Variants in ATP8B1 observed in about 807,000 individuals in gnomAD.
ATP8B1 encodes phospholipid-transporting ATPase IC.
ATP8B1 carries 80 observed loss-of-function variants against 149.9 expected under a neutral mutation model. That is an observed-to-expected ratio of 0.53 (90% CI 0.45 to 0.64). The LOEUF is 0.64. Ranked by LOEUF, ATP8B1 falls within the 30% of genes least tolerant of loss-of-function variation. The probability of loss-of-function intolerance (pLI) is 0.00; values close to 1 mark genes in which losing one functional copy is unlikely to be tolerated. For missense variants in ATP8B1, 1,247 were observed against 1,552.6 expected (o/e 0.80, Z 3.31); for synonymous variants, 536 against 562.8 (o/e 0.95, Z 0.67).
chr18:57,660,049 T>C (rs936178061), intron 22 of ATP8B1, among the ~76,000 whole-genome samples: 22 of 152,134 alleles, frequency 1.4e-4, no homozygotes, highest in African/African-American at 5.3e-4. Flanking sequence ...GACACCGGAT[T>C]TTGGCAATAG....
At chr18:57,668,287 G>T (rs1911006375) in intron 19 of ATP8B1, 142 bp downstream of exon 19, 1 of 1,329,214 alleles carries the variant, frequency 7.5e-7, no homozygotes, top group Admixed American at 2.0e-5. Flanking sequence ...ACAGAGGAGG[G>T]TTTCTCAGAA....
At chr18:57,759,491 T>C (rs2080125222) in intron 1 of ATP8B1, among the ~76,000 whole-genome samples, 1 of 152,030 alleles carries the variant, frequency 6.6e-6, no homozygotes, top group Non-Finnish European at 1.5e-5. Context: ...GATAATCTGG[T>C]AACTCATGGC....
At chr18:57,658,903 A>C (rs1236611323) in intron 22 of ATP8B1, among the ~76,000 whole-genome samples, 1 of 152,130 alleles carries the variant, frequency 6.6e-6, no homozygotes. Flanking sequence ...AGGCACTAAT[A>C]CTACTTGTAT....
At chr18:57,768,370 G>C (rs1197447651) in intron 1 of ATP8B1, among the ~76,000 whole-genome samples, 2 of 110,308 alleles carry the variant, frequency 1.8e-5, no homozygotes, top group Admixed American at 1.4e-4. Context: ...CTGGGCAACA[G>C]AGTGAGACCC....
rs1263587833 is a variant in ATP8B1 at position 57,654,161 on chromosome 18, A to G, written c.2932-86T>C. On this transcript the variant is annotated intron_variant, in intron 23 of 27. Transcript: ENST00000648908. Reference sequence around the variant, plus strand: ...ACATACTCATCTGCTTCCTTTATTTAACATTTTGTTTGTTTGTTTGTTTTA... The same window carrying G: ...ACATACTCATCTGCTTCCTTTATTTGACATTTTGTTTGTTTGTTTGTTTTA... The G allele has an allele frequency of 4.1e-6, 5 of 1,212,218 alleles. No individual in the cohort carries two copies. In the Admixed American group the frequency reaches 7.3e-5, roughly 18 times the overall value. 75.1% of individuals were successfully genotyped at this position (1,212,218 alleles called of 1,614,324 possible). A position where few individuals can be genotyped will look rare whatever the true frequency, so the allele number is the denominator to read the frequency against.
intron 16 of ATP8B1, among the ~76,000 whole-genome samples, chr18:57,672,886 G>GTATA (rs1198919117): frequency 1.9e-3 from 27 of 14,048 alleles, no homozygotes; most frequent in African/African-American, 3.0e-3. Context: ...AAAAAAAAAA[G>GTATA]TATATATATA....
intron 26 of ATP8B1, 41 bp from the exon 27 acceptor site, chr18:57,650,538 T>C (rs757826670): frequency 6.2e-7 from 1 of 1,603,970 alleles, no homozygotes; most frequent in South Asian, 1.1e-5. Flanking sequence ...GGTTCTTTTT[T>C]CCTAAGAACA....
chr18:57,662,434 G>GAACT lies in ATP8B1; in HGVS notation c.2418+45_2418+48dup, dbSNP rs748322005. The GAACT allele has an allele frequency of 7.6e-4, 1,228 of 1,610,884 alleles. 4 individuals are homozygous for GAACT. The highest frequency in any genetic ancestry group is 9.3e-4 in the Non-Finnish European group (1,099 of 1,177,586). On this transcript the variant is annotated intron_variant, in intron 21 of 27. Coordinates refer to ENST00000648908, the MANE Select transcript of ATP8B1 (RefSeq NM_001374385.1). ...AAAGCATCTAAAAGTGGCTCCAAAT[G>GAACT]AACTTCTTTCTTTTGAGTTAAAGGC...
chr18:57,668,391 G>A, intron 19 of ATP8B1, 38 bp downstream of exon 19: 1 of 1,516,148 alleles, frequency 6.6e-7, no homozygotes, highest in Non-Finnish European at 9.2e-7. Flanking sequence ...ATAAATATTT[G>A]TGAATTAACA....
intron 20 of ATP8B1, among the ~76,000 whole-genome samples, chr18:57,665,667 C>T (rs1265669170): frequency 6.6e-6 from 1 of 152,084 alleles, no homozygotes; most frequent in Non-Finnish European, 1.5e-5. Context: ...ATTCTCCTGC[C>T]TCAGTCTCCC....
At chr18:57,764,909 C>G (rs557911231) in intron 1 of ATP8B1, among the ~76,000 whole-genome samples, 2 of 152,202 alleles carry the variant, frequency 1.3e-5, no homozygotes, top group African/African-American at 4.8e-5. Context: ...ATAGAATTAC[C>G]ATAGGATCTA....
At chr18:57,793,367 C>G (rs575509361) in intron 1 of ATP8B1, among the ~76,000 whole-genome samples, 1 of 152,022 alleles carries the variant, frequency 6.6e-6, no homozygotes, top group Non-Finnish European at 1.5e-5. Context: ...ACCATCCTGG[C>G]GGACACTACC....
chr18:57,650,678 A>G (rs1909554128), intron 26 of ATP8B1, among the ~76,000 whole-genome samples, 181 bp from the exon 27 acceptor site: 1 of 152,102 alleles, frequency 6.6e-6, no homozygotes, highest in African/African-American at 2.4e-5. Flanking sequence ...CCCCGTCTCT[A>G]CTAAAATACA....
chr18:57,652,688 G>A lies in ATP8B1; in HGVS notation c.3057C>T (p.Tyr1019=). ...ATAGTAAGTCTCTTTGTCCCACTAT[G>A]TATAACCCAGGGAATCGGAGGCTCA... The part of the protein sequence containing the change: ...DKLSLRFPGL[Y]IVGQRDLLFN... Residue 1019 remains tyrosine, a synonymous_variant, in exon 25 of 28, where the codon TAC becomes TAT. Transcript: ENST00000648908. The A allele has an allele frequency of 6.2e-7, 1 of 1,614,106 alleles. No individual in the cohort carries two copies. Among genetic ancestry groups the A allele is most frequent in the Non-Finnish European group, 8.5e-7 (1 of 1,179,960 alleles).
intron 1 of ATP8B1, among the ~76,000 whole-genome samples, chr18:57,738,803 T>C (rs2079883840): frequency 6.6e-6 from 1 of 151,588 alleles, no homozygotes; most frequent in Non-Finnish European, 1.5e-5. Flanking sequence ...AACTTCCACA[T>C]GACCACCAAA....
intron 2 of ATP8B1, 69 bp from the exon 3 acceptor site, chr18:57,706,656 TC>T: frequency 1.6e-6 from 2 of 1,276,948 alleles, no homozygotes; most frequent in Non-Finnish European, 2.2e-6. Flanking sequence ...AATTGTGTCT[TC>T]CCCAGATTCA....
chr18:57,715,965 T>G (rs1453986980), intron 2 of ATP8B1, among the ~76,000 whole-genome samples: 1 of 152,184 alleles, frequency 6.6e-6, no homozygotes, highest in African/African-American at 2.4e-5. Flanking sequence ...GACTGTGACA[T>G]GTAAACTACT....
intron 1 of ATP8B1, among the ~76,000 whole-genome samples, chr18:57,800,188 A>T (rs2080560751): frequency 6.6e-6 from 1 of 152,154 alleles, no homozygotes; most frequent in Non-Finnish European, 1.5e-5. Flanking sequence ...CTTTTTAGAG[A>T]GATTTGGGAC....
chr18:57,685,040 T>G, intron 14 of ATP8B1, 32 bp downstream of exon 14: 1 of 1,612,714 alleles, frequency 6.2e-7, no homozygotes, highest in South Asian at 1.1e-5. Flanking sequence ...ATCCCCAGCA[T>G]CCCAAACGAT....
Sources: gnomAD v4.1 joint callset for allele counts (sites outside exome capture counted in the v4.1 genomes callset) on GRCh38, gnomAD v4.1.1 for gene constraint, MANE v1.5 for transcripts, NCBI Gene and HGNC (gene_info 2026-07-23, HGNC 2026-07-21) for gene names.